NBAS: variants seen among roughly 807,000 people sequenced by gnomAD.
NBAS encodes NBAS subunit of NRZ tethering complex, also known as NAG/BC035112 fusion.
NBAS carries 219 observed loss-of-function variants against 302.5 expected under a neutral mutation model. The ratio of observed to expected loss-of-function variants is 0.72; its 90% CI spans 0.65 to 0.81. The LOEUF (loss-of-function observed/expected upper bound fraction) is 0.81, where lower values mean the gene tolerates loss of function less well. Ranked by LOEUF, NBAS falls within the 30% of genes least tolerant of loss-of-function variation. The probability of loss-of-function intolerance (pLI) is 0.00; values close to 1 mark genes in which losing one functional copy is unlikely to be tolerated. For synonymous variants in NBAS, 1,118 were observed against 1,021.6 expected (o/e 1.09, Z -1.80); for missense variants, 2,932 against 2,841.6 (o/e 1.03, Z -0.72).
chr2:15,382,352 T>A (rs1572754647), intron 29 of NBAS, among the ~76,000 whole-genome samples: 2 of 152,306 alleles, frequency 1.3e-5, no homozygotes, highest in East Asian at 3.9e-4. Context: ...CTAGGGGATA[T>A]GAGAGTTCAC....
chr2:15,018,574 T>C, the NBAS span, among the ~76,000 whole-genome samples: 30 of 152,198 alleles, frequency 2.0e-4, no homozygotes, highest in Non-Finnish European at 3.7e-4. Flanking sequence ...AACCTTAGTT[T>C]CTGAGAATCA....
intron 14 of NBAS, 131 bp downstream of exon 14, chr2:15,475,556 C>G: frequency 1.1e-6 from 1 of 950,548 alleles, no homozygotes; most frequent in South Asian, 1.7e-5. Flanking sequence ...TATACTACAA[C>G]CATTACCTGA....
Position 15,275,552 on chromosome 2 carries a change from G to T in NBAS, c.5656C>A (p.Arg1886Ser), listed in dbSNP as rs769915990. The change falls in exon 44 of 52, where the codon CGT becomes AGT. Residue 1886 changes from arginine to serine, a missense_variant. Physicochemically the swap from Arg to Ser is moderately radical, Grantham distance 110 (BLOSUM62 -1). Coordinates refer to ENST00000281513, the MANE Select transcript of NBAS (RefSeq NM_015909.4). ...AYDVCMKYFD[R>S]LHPGDLITVV... is the part of the protein sequence containing the mutation. Reference sequence around the variant, plus strand: ...GTGATGAGGTCACCTGGGTGGAGACGATCAAAGTACTTCATGCAGACATCA... The same window carrying T: ...GTGATGAGGTCACCTGGGTGGAGACTATCAAAGTACTTCATGCAGACATCA... 2 of 1,613,968 alleles carry T rather than the reference G, an allele frequency of 1.2e-6. No homozygotes were observed. Among genetic ancestry groups the T allele is most frequent in the Admixed American group, 1.7e-5 (1 of 59,982 alleles).
intron 16 of NBAS, among the ~76,000 whole-genome samples, chr2:15,470,905 G>A (rs1011466924): frequency 2.0e-5 from 3 of 152,114 alleles, no homozygotes; most frequent in African/African-American, 7.2e-5. Flanking sequence ...AAGCTGCAGT[G>A]AGCCGAGATC....
chr2:14,845,282 T>G, the NBAS span, among the ~76,000 whole-genome samples: 1 of 152,194 alleles, frequency 6.6e-6, no homozygotes, highest in Non-Finnish European at 1.5e-5. Flanking sequence ...AAAGAATTCT[T>G]CTGCATCTTA....
the NBAS span, among the ~76,000 whole-genome samples, chr2:14,957,210 A>G: frequency 6.6e-6 from 1 of 151,978 alleles, no homozygotes; most frequent in Non-Finnish European, 1.5e-5. Flanking sequence ...AAGAAAAGAG[A>G]GCTATTTGGG....
chr2:15,080,765 T>A, the NBAS span, among the ~76,000 whole-genome samples: 2 of 152,146 alleles, frequency 1.3e-5, no homozygotes, highest in Non-Finnish European at 2.9e-5. Flanking sequence ...GGAGTCCACC[T>A]GTGACCTTTC....
In NBAS at chr2:15,275,620, A is replaced by C; in HGVS notation, c.5588T>G (p.Ile1863Ser). 1 of 1,614,200 alleles carries C rather than the reference A, an allele frequency of 6.2e-7. No individual in the cohort carries two copies. The highest frequency in any genetic ancestry group is 8.5e-7 in the Non-Finnish European group (1 of 1,180,028). The part of the protein sequence containing the change: ...KLFWTGDPHL[I>S]KQVPGSSPEW... ...CGGTGAAGAGCCTGGGACTTGTTTAATGAGATGAGGGTCTCCAGTCCAGAA... is the reference window on the plus strand; with the variant it reads ...CGGTGAAGAGCCTGGGACTTGTTTACTGAGATGAGGGTCTCCAGTCCAGAA... The change falls in exon 44 of 52, where the codon ATT becomes AGT. Residue 1863 changes from isoleucine to serine, a missense_variant. By Grantham distance (142) the Ile-to-Ser change is moderately radical (BLOSUM62 -2). Coordinates refer to ENST00000281513, the MANE Select transcript of NBAS (RefSeq NM_015909.4).
intron 6 of NBAS, among the ~76,000 whole-genome samples, chr2:15,548,105 A>C (rs1664203602): frequency 6.6e-6 from 1 of 152,228 alleles, no homozygotes; most frequent in Non-Finnish European, 1.5e-5. Context: ...ACTTTTGTGA[A>C]TTTCTAAAGT....
At chr2:15,394,866 G>C (rs1269470571) in intron 27 of NBAS, among the ~76,000 whole-genome samples, 1 of 151,976 alleles carries the variant, frequency 6.6e-6, no homozygotes, top group Non-Finnish European at 1.5e-5. Flanking sequence ...GAATCTTCTT[G>C]AGATATCCCA....
At chr2:15,232,537 C>G in intron 46 of NBAS, 26 bp from the exon 47 acceptor site, 1 of 1,599,702 alleles carries the variant, frequency 6.3e-7, no homozygotes, top group Non-Finnish European at 8.6e-7. Flanking sequence ...TAAACTGATT[C>G]AGAAAAGGAT....
intron 9 of NBAS, among the ~76,000 whole-genome samples, chr2:15,523,389 C>A (rs1407418768): frequency 6.6e-6 from 1 of 152,036 alleles, no homozygotes; most frequent in Non-Finnish European, 1.5e-5. Context: ...TTTTTCTTGT[C>A]ATTCTCTAAA....
the NBAS span, among the ~76,000 whole-genome samples, chr2:15,052,281 T>C: frequency 1.3e-5 from 2 of 152,232 alleles, no homozygotes; most frequent in African/African-American, 2.4e-5. Flanking sequence ...ACCATATCCA[T>C]ATATTTTCCT....
At chr2:15,353,461 A>T in intron 34 of NBAS, 92 bp downstream of exon 34, 6 of 1,464,818 alleles carry the variant, frequency 4.1e-6, no homozygotes, top group Non-Finnish European at 3.8e-6. Flanking sequence ...AAATTCTCAT[A>T]CTACTTTTTT....
At chr2:15,106,252 C>A in the NBAS span, among the ~76,000 whole-genome samples, 1 of 152,020 alleles carries the variant, frequency 6.6e-6, no homozygotes, top group Admixed American at 6.6e-5. Flanking sequence ...TTATTAGCAC[C>A]TTGGGGTGAG....
At chr2:14,875,244 AAAAC>A in the NBAS span, among the ~76,000 whole-genome samples, 270 of 152,336 alleles carry the variant, frequency 1.8e-3, no homozygotes, top group African/African-American at 6.2e-3. Flanking sequence ...TCGACCAAAA[AAAAC>A]AAACAAAACG....
the NBAS span, among the ~76,000 whole-genome samples, chr2:14,956,484 T>C: frequency 7.9e-5 from 12 of 152,184 alleles, no homozygotes; most frequent in Non-Finnish European, 1.2e-4. Flanking sequence ...AGTACCAATT[T>C]ACTGTATTAG....
the NBAS span, among the ~76,000 whole-genome samples, chr2:14,846,875 C>T: frequency 3.3e-5 from 5 of 151,422 alleles, no homozygotes; most frequent in Non-Finnish European, 7.4e-5. Context: ...AAATAATTGT[C>T]ACTAAAAGGA....
intron 9 of NBAS, among the ~76,000 whole-genome samples, chr2:15,516,795 A>G (rs1433227782): frequency 6.6e-6 from 1 of 152,152 alleles, no homozygotes; most frequent in Non-Finnish European, 1.5e-5. Flanking sequence ...ATTAGTAGGC[A>G]GAATTTATAA....
Sources: gnomAD v4.1 joint callset for allele counts (sites outside exome capture counted in the v4.1 genomes callset) on GRCh38, gnomAD v4.1.1 for gene constraint, MANE v1.5 for transcripts, NCBI Gene and HGNC (gene_info 2026-07-23, HGNC 2026-07-21) for gene names.